The following C16orf96 variants were observed in gnomAD, a reference collection of about 807,000 sequenced individuals.
C16orf96 encodes uncharacterized protein C16orf96.
A neutral mutation model predicts 103.6 loss-of-function variants in C16orf96; 108 were observed. That is an observed-to-expected ratio of 1.04 (90% CI 0.89 to 1.22). The LOEUF is 1.22. Among genes scored for constraint, C16orf96 ranks in the 50% most tolerant of loss-of-function variants. C16orf96 has a pLI of 0.00. For missense variants in C16orf96, 1,586 were observed against 1,464.2 expected, an observed-to-expected ratio of 1.08 and a Z score of -1.36; for synonymous variants, 566 against 593.5, an observed-to-expected ratio of 0.95 and a Z score of 0.67.
chr16:4,549,715 T>A, the C16orf96 span, among the ~76,000 whole-genome samples: 1 of 151,626 alleles, frequency 6.6e-6, no homozygotes, highest in Non-Finnish European at 1.5e-5. Context: ...GGAGAATCGC[T>A]TGAATCTGGG....
intron 9 of C16orf96, among the ~76,000 whole-genome samples, chr16:4,589,756 T>A (rs1455267501): frequency 6.6e-6 from 1 of 152,216 alleles, no homozygotes; most frequent in African/African-American, 2.4e-5. Context: ...ATAATAGTGT[T>A]GTGGTTATAT....
intron 1 of C16orf96, among the ~76,000 whole-genome samples, chr16:4,570,625 C>T (rs2059427713): frequency 6.6e-6 from 1 of 152,028 alleles, no homozygotes; most frequent in Non-Finnish European, 1.5e-5. Flanking sequence ...ACATCAGGAA[C>T]TGCTAAGTTT....
At chr16:4,548,181 T>C in the C16orf96 span, among the ~76,000 whole-genome samples, 277 of 152,224 alleles carry the variant, frequency 1.8e-3, 1 homozygote, top group Middle Eastern at 3.4e-3. Context: ...AGGACGATGT[T>C]CCTCATGTTC....
At chr16:4,587,896 A>G (rs1168807247) in intron 8 of C16orf96, among the ~76,000 whole-genome samples, 2 of 152,204 alleles carry the variant, frequency 1.3e-5, no homozygotes, top group East Asian at 3.8e-4. Context: ...TGATTGTGCC[A>G]CTGCAATCCA....
intron 1 of C16orf96, chr16:4,563,190 G>A: frequency 3.0e-6 from 2 of 668,352 alleles, no homozygotes; most frequent in Admixed American, 4.0e-5. Flanking sequence ...TTTGCTTTAG[G>A]CATCGCTTCG....
At chr16:4,581,624 C>T (rs1428459540) in intron 7 of C16orf96, among the ~76,000 whole-genome samples, 3 of 151,920 alleles carry the variant, frequency 2.0e-5, no homozygotes, top group Admixed American at 2.0e-4. Context: ...CAGAGCAAGA[C>T]TCCGTCTCAA....
At chr16:4,579,553 C>CAA (rs535480439) in intron 6 of C16orf96, among the ~76,000 whole-genome samples, 2 of 51,834 alleles carry the variant, frequency 3.9e-5, no homozygotes, top group African/African-American at 6.5e-5. Context: ...GGCCCTGTCT[C>CAA]AAAAAAAAAA....
the C16orf96 span, among the ~76,000 whole-genome samples, chr16:4,539,169 C>T: frequency 1.3e-5 from 2 of 152,218 alleles, no homozygotes; most frequent in Non-Finnish European, 2.9e-5. Flanking sequence ...AAAATTATGA[C>T]AGTGAAAGAG....
chr16:4,577,284 C>G (rs1596526888), intron 5 of C16orf96, among the ~76,000 whole-genome samples: 2 of 152,316 alleles, frequency 1.3e-5, no homozygotes, highest in South Asian at 4.1e-4. Context: ...GTAATCTTAG[C>G]ACTTTGGGAG....
the C16orf96 span, among the ~76,000 whole-genome samples, chr16:4,542,632 A>G: frequency 6.6e-6 from 1 of 151,898 alleles, no homozygotes; most frequent in South Asian, 2.1e-4. Context: ...CCCCGTCTCT[A>G]CTAAAAATAC....
intron 2 of C16orf96, among the ~76,000 whole-genome samples, chr16:4,572,002 A>C (rs2059444409): frequency 6.6e-6 from 1 of 150,980 alleles, no homozygotes; most frequent in Non-Finnish European, 1.5e-5. Flanking sequence ...GGCACGCACC[A>C]CCACATCTGG....
Position 4,556,769 on chromosome 16 carries a change from C to T in C16orf96, c.280C>T (p.Gln94Ter), listed in dbSNP as rs1200798376. ...VVSRLDKLEN[Q>*]LALLQDLPST... ...GAGCCGCCTCGACAAGTTGGAGAAC[C>T]AGCTGGCCCTGCTGCAGGACCTGCC... Residue 94 changes from glutamine to a stop codon, truncating the protein, a stop_gained, in exon 1 of 16, where the codon CAG becomes TAG. Transcript: ENST00000444310. LOFTEE classifies it high-confidence loss of function. 6.4e-6 allele frequency: 10 copies of T among 1,551,594 alleles called. No homozygotes were observed. The highest frequency in any genetic ancestry group is 8.7e-6 in the Non-Finnish European group (10 of 1,147,012).
At chr16:4,564,258 C>T (rs899651317) in intron 1 of C16orf96, among the ~76,000 whole-genome samples, 15 of 152,100 alleles carry the variant, frequency 9.9e-5, no homozygotes, top group African/African-American at 3.4e-4. Flanking sequence ...GAAGTCCATT[C>T]GTGGACTTCT....
intron 1 of C16orf96, among the ~76,000 whole-genome samples, chr16:4,570,107 CTTT>C (rs3992631): frequency 0.6 from 90,837 of 151,744 alleles, 30,371 homozygotes; most frequent in East Asian, 0.87. Flanking sequence ...CAAGCTAGAA[CTTT>C]TTTATTTTAT....
the C16orf96 span, among the ~76,000 whole-genome samples, chr16:4,544,418 C>G: frequency 2.9e-4 from 44 of 152,086 alleles, no homozygotes; most frequent in African/African-American, 9.7e-4. Context: ...CCAACCTGGG[C>G]AACATGGCAA....
rs1343288926 is a variant in C16orf96, at chr16:4,600,471, C to T, written c.*154C>T. 3.7e-5 allele frequency: 18 copies of T among 483,560 alleles called. No homozygotes were observed. The highest frequency in any genetic ancestry group is 2.6e-4 in the African/African-American group (10 of 38,482). 30.0% of individuals were successfully genotyped at this position (483,560 alleles called of 1,614,324 possible). ...ACCCCCACCAAGTCCCCTCCATGTC[C>T]GAGGCTGAGGCTCATGCGCCCCCCC... is the stretch of plus-strand genomic sequence containing the variant. On this transcript the variant is annotated 3_prime_UTR_variant, in exon 16 of 16. Coordinates refer to ENST00000444310, the MANE Select transcript of C16orf96 (RefSeq NM_001145011.2).
chr16:4,571,645 C>G lies in C16orf96; in HGVS notation c.505C>G (p.Leu169Val), dbSNP rs371188041. Residue 169 changes from leucine to valine, a missense_variant, in exon 2 of 16, where the codon CTG becomes GTG. Leu to Val is a conservative substitution (Grantham distance 32). Coordinates refer to ENST00000444310, the MANE Select transcript of C16orf96 (RefSeq NM_001145011.2). ...AGCCCTCAGAAAAGAAGTGGACATG[C>G]TGAAGAACATGCTTGACAAGGTAGG... ...ITALRKEVDM[L>V]KNMLDKVHPE... The G allele has an allele frequency of 4.4e-5, 69 of 1,551,952 alleles. No homozygotes were observed. The African/African-American group carries it at 9.2e-4, about 21-fold the overall frequency.
chr16:4,584,149 G>A (rs1261146420), intron 7 of C16orf96, among the ~76,000 whole-genome samples: 1 of 152,072 alleles, frequency 6.6e-6, no homozygotes, highest in East Asian at 1.9e-4. Context: ...TCATGACTGT[G>A]TCTCTGTCTT....
At chr16:4,553,972 C>T (rs2059242154), upstream of C16orf96, among the ~76,000 whole-genome samples, 1 of 152,184 alleles carries the variant, frequency 6.6e-6, no homozygotes, top group African/African-American at 2.4e-5. Flanking sequence ...CAGCAGGGCT[C>T]CTGCTGTGTG....
Sources: allele counts gnomAD v4.1 joint callset (sites outside exome capture counted in the v4.1 genomes callset), GRCh38; gene constraint gnomAD v4.1.1; transcripts MANE v1.5; gene names NCBI Gene and HGNC (gene_info 2026-07-23, HGNC 2026-07-21).